The following RAB3C variants were observed in gnomAD, a reference collection of about 807,000 sequenced individuals.
RAB3C encodes the protein RAB3C, member RAS oncogene family, also known as ras-related protein Rab-3C.
A neutral mutation model predicts 26.4 loss-of-function variants in RAB3C; 17 were observed. The ratio of observed to expected loss-of-function variants is 0.64; its 90% CI spans 0.44 to 0.97. The LOEUF (loss-of-function observed/expected upper bound fraction) is 0.97, where lower values mean the gene tolerates loss of function less well. Among genes scored for constraint, RAB3C ranks in the 50% least tolerant of loss-of-function variants. The probability of loss-of-function intolerance (pLI) is 0.00; values close to 1 mark genes in which losing one functional copy is unlikely to be tolerated. For missense variants in RAB3C, 242 were observed against 281.9 expected (o/e 0.86, Z 1.01); for synonymous variants, 91 against 95.9 (o/e 0.95, Z 0.30).
chr5:58,788,541 T>C (rs983763576), intron 3 of RAB3C, among the ~76,000 whole-genome samples: 1 of 152,230 alleles, frequency 6.6e-6, no homozygotes, highest in Non-Finnish European at 1.5e-5. Context: ...TAATTTCCTG[T>C]TCATGAAAAT....
At chr5:58,811,417 T>TTTA (rs1743087772) in intron 3 of RAB3C, among the ~76,000 whole-genome samples, 1 of 152,074 alleles carries the variant, frequency 6.6e-6, no homozygotes, top group South Asian at 2.1e-4. Flanking sequence ...TATAGTGATT[T>TTTA]TTATGACAAT....
At chr5:58,691,285 GCATTTGTTCATAAGTGGGC>G (rs1561290628) in intron 2 of RAB3C, among the ~76,000 whole-genome samples, 2 of 152,086 alleles carry the variant, frequency 1.3e-5, no homozygotes, top group East Asian at 3.8e-4. Context: ...AGTTTCTTCT[GCATTTGTTCATAAGTGGGC>G]TGAGTTTTCT....
intron 3 of RAB3C, among the ~76,000 whole-genome samples, chr5:58,807,397 C>T (rs1403075257): frequency 1.3e-5 from 2 of 152,128 alleles, no homozygotes; most frequent in Non-Finnish European, 2.9e-5. Context: ...ACATTGAAAG[C>T]CCCATGCTAA....
intron 3 of RAB3C, among the ~76,000 whole-genome samples, chr5:58,729,190 C>G (rs116167926): frequency 6.6e-6 from 1 of 151,868 alleles, no homozygotes; most frequent in African/African-American, 2.4e-5. Flanking sequence ...TCATTTTTCC[C>G]CATTACAGAA....
At chr5:58,727,390 CAT>C (rs1246066670) in intron 3 of RAB3C, among the ~76,000 whole-genome samples, 1 of 151,906 alleles carries the variant, frequency 6.6e-6, no homozygotes, top group East Asian at 1.9e-4. Flanking sequence ...TATATGAAAA[CAT>C]AAGTATCTTC....
chr5:58,745,413 AAAAAAAGAAAGTAG>A (rs1161610332), intron 3 of RAB3C, among the ~76,000 whole-genome samples: 3 of 150,394 alleles, frequency 2.0e-5, no homozygotes, highest in African/African-American at 7.4e-5. Flanking sequence ...AAAAAAAAAA[AAAAAAAGAAAGTAG>A]ATGGGGTATA....
chr5:58,831,915 A>G (rs1237717702), intron 4 of RAB3C, among the ~76,000 whole-genome samples: 1 of 152,242 alleles, frequency 6.6e-6, no homozygotes, highest in African/African-American at 2.4e-5. Flanking sequence ...ACCAAGCTGC[A>G]TCCCAAGCCA....
rs71604764 is a variant in RAB3C, at chr5:58,756,387, CATATAT to C, written c.371+30280_371+30285del. ...ACATATATATATAACTACTATATAA[CATATAT>C]ATATATATATATGTATGTTAATTTT... On this transcript the variant is annotated intron_variant, in intron 3 of 4. Transcript: ENST00000282878. 4.5e-5 allele frequency among the ~76,000 whole-genome samples: 6 copies of C among 132,066 alleles called. No individual in the cohort carries two copies. In the South Asian group the frequency reaches 7.1e-4, roughly 16 times the overall value. 86.6% of individuals were successfully genotyped at this position (132,066 alleles called of 152,430 possible). A position where few individuals can be genotyped will look rare whatever the true frequency, so the allele number is the denominator to read the frequency against.
At chr5:58,747,300 G>A (rs961676351) in intron 3 of RAB3C, among the ~76,000 whole-genome samples, 1 of 151,968 alleles carries the variant, frequency 6.6e-6, no homozygotes, top group Non-Finnish European at 1.5e-5. Flanking sequence ...TAAATTTTTG[G>A]TATAAGTTTC....
intron 1 of RAB3C, among the ~76,000 whole-genome samples, chr5:58,590,825 G>A (rs1253281349): frequency 2.0e-5 from 3 of 152,116 alleles, no homozygotes; most frequent in Non-Finnish European, 4.4e-5. Context: ...GATTACAGGT[G>A]TGAGCCACTG....
intron 3 of RAB3C, among the ~76,000 whole-genome samples, chr5:58,788,708 A>G (rs988227754): frequency 1.3e-5 from 2 of 152,174 alleles, no homozygotes; most frequent in African/African-American, 4.8e-5. Flanking sequence ...CTTGTGTATA[A>G]TGTTCTTTTC....
chr5:58,764,242 G>A (rs1164426636), intron 3 of RAB3C, among the ~76,000 whole-genome samples: 6 of 152,154 alleles, frequency 3.9e-5, no homozygotes, highest in Admixed American at 3.3e-4. Flanking sequence ...AATTTAAAAA[G>A]ACTAACCTGA....
intron 3 of RAB3C, among the ~76,000 whole-genome samples, chr5:58,800,358 G>A (rs1473087049): frequency 6.6e-6 from 1 of 152,152 alleles, no homozygotes; most frequent in Non-Finnish European, 1.5e-5. Context: ...AGGCAGGAGG[G>A]AAACGCTCAC....
At chr5:58,610,010 C>T (rs1561265377) in intron 1 of RAB3C, among the ~76,000 whole-genome samples, 1 of 151,958 alleles carries the variant, frequency 6.6e-6, no homozygotes, top group East Asian at 1.9e-4. Context: ...CAATTCTAAT[C>T]GATTCTGAGA....
chr5:58,791,701 G>T (rs984065444), intron 3 of RAB3C, among the ~76,000 whole-genome samples: 2 of 152,124 alleles, frequency 1.3e-5, no homozygotes, highest in Admixed American at 1.3e-4. Context: ...TATAATAAAA[G>T]AGACTGTATC....
chr5:58,596,927 TTA>T (rs1746294124), intron 1 of RAB3C, among the ~76,000 whole-genome samples: 1 of 95,488 alleles, frequency 1.0e-5, no homozygotes, highest in Non-Finnish European at 1.8e-5. Context: ...ACATAATATA[TTA>T]TATATAAATA....
intron 2 of RAB3C, among the ~76,000 whole-genome samples, chr5:58,648,226 C>T (rs770492336): frequency 3.3e-5 from 5 of 152,198 alleles, no homozygotes; most frequent in East Asian, 3.9e-4. Flanking sequence ...TCCCTAATTG[C>T]GTTTTAATTT....
chr5:58,594,371 A>C (rs1280268884), intron 1 of RAB3C, among the ~76,000 whole-genome samples: 1 of 152,184 alleles, frequency 6.6e-6, no homozygotes, highest in East Asian at 1.9e-4. Context: ...GGACTGATGA[A>C]AAAGAATAAC....
intron 3 of RAB3C, among the ~76,000 whole-genome samples, chr5:58,732,152 C>A (rs1487240855): frequency 6.7e-6 from 1 of 148,992 alleles, no homozygotes; most frequent in Non-Finnish European, 1.5e-5. Flanking sequence ...GCACATTGTA[C>A]AGGTTAGTTA....
Sources: gnomAD v4.1 joint callset for allele counts (sites outside exome capture counted in the v4.1 genomes callset) on GRCh38, gnomAD v4.1.1 for gene constraint, MANE v1.5 for transcripts, NCBI Gene and HGNC (gene_info 2026-07-23, HGNC 2026-07-21) for gene names.